The following RNF150 variants were observed in gnomAD, a reference collection of about 807,000 sequenced individuals.
RNF150 encodes ring finger protein 150.
RNF150 carries 24 observed loss-of-function variants against 39.3 expected under a neutral mutation model. The ratio of observed to expected loss-of-function variants is 0.61; its 90% confidence interval spans 0.44 to 0.86. The LOEUF is 0.86. Among genes scored for constraint, RNF150 ranks in the 40% least tolerant of loss-of-function variants. RNF150 has a pLI of 0.00. For missense variants in RNF150, 502 were observed against 587.8 expected (o/e 0.85, Z 1.51); for synonymous variants, 255 against 227.3 (o/e 1.12, Z -1.10).
intron 1 of RNF150, among the ~76,000 whole-genome samples, chr4:141,138,835 G>A (rs113652335): frequency 2.3e-4 from 35 of 152,318 alleles, no homozygotes; most frequent in African/African-American, 8.2e-4. Context: ...GAAGAGAAGA[G>A]ATTTCAAGGA....
chr4:140,868,951 C>T (rs1728826132), intron 6 of RNF150, among the ~76,000 whole-genome samples: 1 of 152,092 alleles, frequency 6.6e-6, no homozygotes. Context: ...GTAATCTTCA[C>T]TCTTTAAAAA....
At chr4:141,067,335 G>A (rs1406863715) in intron 1 of RNF150, among the ~76,000 whole-genome samples, 1 of 152,212 alleles carries the variant, frequency 6.6e-6, no homozygotes, top group East Asian at 1.9e-4. Flanking sequence ...AGAAAGCAGA[G>A]AAAGTGCAAA....
At chr4:140,879,668 A>G (rs529918584) in intron 6 of RNF150, among the ~76,000 whole-genome samples, 1 of 152,184 alleles carries the variant, frequency 6.6e-6, no homozygotes, top group South Asian at 2.1e-4. Context: ...ACAGATGAAA[A>G]AAAACTAGCC....
intron 1 of RNF150, among the ~76,000 whole-genome samples, chr4:141,065,413 G>T (rs1179128538): frequency 2.0e-5 from 3 of 152,048 alleles, no homozygotes; most frequent in Admixed American, 6.6e-5. Flanking sequence ...AAATTTATAT[G>T]AAACTATTAG....
rs17006678 is a variant in RNF150, at chr4:140,933,902, A to G, written c.891-7829T>C. Among the ~76,000 whole-genome samples the G allele has an allele frequency of 7.4e-3, 1,131 of 152,296 alleles. 14 individuals carry two copies. The highest frequency in any genetic ancestry group is 0.026 in the African/African-American group (1,093 of 41,570). On this transcript the variant is annotated intron_variant, in intron 4 of 6. Coordinates refer to ENST00000515673, the MANE Select transcript of RNF150 (RefSeq NM_020724.2). ...CCAGTCTCATCCTACCATATCCTCA[A>G]TCCCACTGACCTAGTGCCACACTGT...
chr4:140,875,505 A>G (rs1263239518), intron 6 of RNF150, among the ~76,000 whole-genome samples: 8 of 152,142 alleles, frequency 5.3e-5, no homozygotes, highest in African/African-American at 1.9e-4. Context: ...GAGATTCTTA[A>G]CTTAAGGATT....
At chr4:141,083,928 G>C (rs765707877) in intron 1 of RNF150, among the ~76,000 whole-genome samples, 8 of 152,138 alleles carry the variant, frequency 5.3e-5, no homozygotes, top group Non-Finnish European at 8.8e-5. Flanking sequence ...CAAGTTAACA[G>C]ATTTTATACC....
At chr4:141,063,132 T>C (rs1389664404) in intron 1 of RNF150, among the ~76,000 whole-genome samples, 1 of 152,224 alleles carries the variant, frequency 6.6e-6, no homozygotes, top group Admixed American at 6.5e-5. Flanking sequence ...TCAGATGACA[T>C]AATATTTGTT....
At chr4:140,935,825 A>C (rs1247653907) in intron 4 of RNF150, among the ~76,000 whole-genome samples, 1 of 152,198 alleles carries the variant, frequency 6.6e-6, no homozygotes, top group Non-Finnish European at 1.5e-5. Context: ...CAAAATGCAT[A>C]AACCTTAAGT....
At position 140,867,428 on chromosome 4, in the gene RNF150, G is replaced by A. The variant is rs1440544284; in HGVS notation, c.*833C>T. On this transcript the variant is annotated 3_prime_UTR_variant, in exon 7 of 7. Coordinates refer to ENST00000515673, the MANE Select transcript of RNF150 (RefSeq NM_020724.2). ...CACCAAAGACTGGATGCCTTGGAGGGGACTTCTGAGTTCAGAATTTCAGCC... is the reference window on the plus strand; with the variant it reads ...CACCAAAGACTGGATGCCTTGGAGGAGACTTCTGAGTTCAGAATTTCAGCC... 6.6e-6 allele frequency: 1 copy of A among 152,124 alleles called. No homozygotes were observed. Among genetic ancestry groups the A allele is most frequent in the African/African-American group, 2.4e-5 (1 of 41,424 alleles). The allele number at this position is 152,124 out of a possible 1,614,324, so 9.4% of individuals were successfully genotyped here.
intron 4 of RNF150, among the ~76,000 whole-genome samples, chr4:140,929,810 C>T (rs897609194): frequency 6.6e-6 from 1 of 152,068 alleles, no homozygotes; most frequent in African/African-American, 2.4e-5. Flanking sequence ...GGATTATCCT[C>T]AACAATCTGG....
chr4:140,925,829 T>C, intron 5 of RNF150, 148 bp downstream of exon 5: 1 of 624,198 alleles, frequency 1.6e-6, no homozygotes. Flanking sequence ...CTTTCAGACA[T>C]AGGAGTTCTC....
At chr4:141,072,415 C>A (rs969037917) in intron 1 of RNF150, among the ~76,000 whole-genome samples, 3 of 152,144 alleles carry the variant, frequency 2.0e-5, no homozygotes, top group African/African-American at 7.2e-5. Context: ...GAAAAAGATT[C>A]TAATGCCCAT....
chr4:140,986,229 T>C (rs2111467757), intron 1 of RNF150, among the ~76,000 whole-genome samples: 1 of 152,196 alleles, frequency 6.6e-6, no homozygotes, highest in African/African-American at 2.4e-5. Flanking sequence ...GCTGCCCACG[T>C]CTGCTTTCTA....
At chr4:140,956,381 G>A (rs1732754903) in intron 2 of RNF150, among the ~76,000 whole-genome samples, 1 of 152,182 alleles carries the variant, frequency 6.6e-6, no homozygotes, top group Non-Finnish European at 1.5e-5. Flanking sequence ...GGTGGGGACA[G>A]GAGAACTGTC....
rs1158755022 is a variant in RNF150, at chr4:141,081,248, C to A, written c.484+51077G>T. 2.6e-5 allele frequency among the ~76,000 whole-genome samples: 4 copies of A among 152,286 alleles called. No homozygotes were observed. In the East Asian group the frequency reaches 7.7e-4, roughly 29 times the overall value. On this transcript the variant is annotated intron_variant, in intron 1 of 6. Transcript: ENST00000515673. ...ATGTTAGTTGAACTGTTACTTTAAG[C>A]TAGGTAAATTTTCTGTTTCCCATGC...
chr4:141,105,046 T>C (rs577054870), intron 1 of RNF150, among the ~76,000 whole-genome samples: 2 of 152,342 alleles, frequency 1.3e-5, no homozygotes, highest in Non-Finnish European at 2.9e-5. Context: ...CAATCGTGTA[T>C]ACCTATTTAG....
In RNF150 at chr4:140,936,222, T is replaced by C. The variant is rs565463781; in HGVS notation, c.891-10149A>G. On this transcript the variant is annotated intron_variant, in intron 4 of 6. Coordinates refer to ENST00000515673, the MANE Select transcript of RNF150 (RefSeq NM_020724.2). Reference sequence around the variant, plus strand: ...TACTGTCCTCATTTTTTGGCTATTATGGCTAAATGTGCTATGGCCACTCTT... The same window carrying C: ...TACTGTCCTCATTTTTTGGCTATTACGGCTAAATGTGCTATGGCCACTCTT... 2.0e-5 allele frequency among the ~76,000 whole-genome samples: 3 copies of C among 152,336 alleles called. No homozygotes were observed. In the South Asian group the frequency reaches 6.2e-4, roughly 32 times the overall value.
rs571472352 is a variant in RNF150, at chr4:140,934,600, T to C, written c.891-8527A>G. On this transcript the variant is annotated intron_variant, in intron 4 of 6. Coordinates refer to ENST00000515673, the MANE Select transcript of RNF150 (RefSeq NM_020724.2). ...AGAAAACATACAGAGGAAGTAAAAT[T>C]CTTAAAACTTGGCTAAATTTGATTT... 2.0e-5 allele frequency among the ~76,000 whole-genome samples: 3 copies of C among 152,112 alleles called. No homozygotes were observed. In the South Asian group the frequency reaches 6.2e-4, roughly 32 times the overall value.
Sources: gnomAD v4.1 joint callset for allele counts (sites outside exome capture counted in the v4.1 genomes callset) on GRCh38, gnomAD v4.1.1 for gene constraint, MANE v1.5 for transcripts, NCBI Gene and HGNC (gene_info 2026-07-23, HGNC 2026-07-21) for gene names.